Variants in SHC3 observed in about 807,000 individuals in gnomAD.
SHC3 encodes SHC-transforming protein 3.
In SHC3, 15 loss-of-function variants were observed where a neutral mutation model predicts 60.4. The ratio of observed to expected loss-of-function variants is 0.25; its 90% CI spans 0.17 to 0.38. SHC3 has a LOEUF of 0.38. SHC3 is among the 10% of genes least tolerant of loss of function. The probability of loss-of-function intolerance (pLI) is 1.00; values close to 1 mark genes in which losing one functional copy is unlikely to be tolerated. For synonymous variants in SHC3, 294 were observed against 325.9 expected (o/e 0.90, Z 1.05); for missense variants, 677 against 786.1 (o/e 0.86, Z 1.66).
intron 1 of SHC3, among the ~76,000 whole-genome samples, chr9:89,154,562 G>T (rs1413449686): frequency 6.6e-6 from 1 of 152,162 alleles, no homozygotes; most frequent in Non-Finnish European, 1.5e-5. Flanking sequence ...ATTACATCAG[G>T]CAAGAAATTA....
chr9:89,178,155 C>A lies in SHC3; in HGVS notation c.306G>T (p.Ala102=). 1 of 1,224,304 alleles carries A rather than the reference C, an allele frequency of 8.2e-7. No homozygotes were observed. The highest frequency in any genetic ancestry group is 1.0e-6 in the Non-Finnish European group (1 of 982,374). 75.8% of individuals were successfully genotyped at this position (1,224,304 alleles called of 1,614,324 possible). A position where few individuals can be genotyped will look rare whatever the true frequency, so the allele number is the denominator to read the frequency against. The change falls in exon 1 of 12, where the codon GCG becomes GCT. Residue 102 remains alanine (A), a synonymous_variant. Coordinates refer to ENST00000375835, the MANE Select transcript of SHC3 (RefSeq NM_016848.6). This position sits in a 1 kb window ranked among gnomAD's most constrained non-coding sequence, Gnocchi z 6.9. ...AGARLSGSCS[A]PSLAAPDGSA... Reference sequence around the variant, plus strand: ...TGCCGTCCGGGGCGGCCAGGCTGGGCGCGCTGCAGCTGCCCGAGAGCCGCG... The same window carrying A: ...TGCCGTCCGGGGCGGCCAGGCTGGGAGCGCTGCAGCTGCCCGAGAGCCGCG...
rs540788767 is a variant in SHC3 at position 89,027,327 on chromosome 9, A to AT, written c.1656+10665dup. 5.7e-4 allele frequency among the ~76,000 whole-genome samples: 74 copies of AT among 130,320 alleles called. 1 individual carries two copies. The highest frequency in any genetic ancestry group is 7.5e-4 in the Admixed American group (10 of 13,270). 85.5% of individuals were successfully genotyped at this position (130,320 alleles called of 152,430 possible). On this transcript the variant is annotated intron_variant, in intron 11 of 11. Transcript: ENST00000375835. ...ACAACTAGTGATGGGTGAAATTCTGATTTTTTTTTTTTGAGACTGAGTCTC... is the reference window on the plus strand; with the variant it reads ...ACAACTAGTGATGGGTGAAATTCTGATTTTTTTTTTTTTGAGACTGAGTCTC...
At chr9:89,111,262 C>A (rs1208808126) in intron 2 of SHC3, among the ~76,000 whole-genome samples, 3 of 152,186 alleles carry the variant, frequency 2.0e-5, no homozygotes, top group Non-Finnish European at 2.9e-5. Context: ...GACTGTCATT[C>A]CTTTAAAAAC....
Position 89,038,133 on chromosome 9 carries a change from T to C in SHC3, c.1516A>G (p.Arg506Gly). The C allele has an allele frequency of 1.2e-6, 2 of 1,614,124 alleles. No individual in the cohort carries two copies. The highest frequency in any genetic ancestry group is 1.7e-6 in the Non-Finnish European group (2 of 1,180,022). ...AETWYQGEMS[R>G]KEAEGLLEKD... Reference sequence around the variant, plus strand: ...TCCAGCAGCCCCTCTGCCTCCTTCCTGCTCATCTCTCCTTGGTACCAAGTC... The same window carrying C: ...TCCAGCAGCCCCTCTGCCTCCTTCCCGCTCATCTCTCCTTGGTACCAAGTC... Residue 506 changes from arginine to glycine, a missense_variant, in exon 11 of 12, where the codon AGG becomes GGG. Physicochemically the swap from Arg to Gly is moderately radical, Grantham distance 125. Coordinates refer to ENST00000375835, the MANE Select transcript of SHC3 (RefSeq NM_016848.6).
At chr9:89,174,371 G>A (rs1470776438) in intron 1 of SHC3, among the ~76,000 whole-genome samples, 1 of 152,198 alleles carries the variant, frequency 6.6e-6, no homozygotes, top group Non-Finnish European at 1.5e-5. Context: ...AGGAAATAAT[G>A]CAGTACTTTT....
At chr9:89,079,536 C>A (rs754564549) in intron 2 of SHC3, among the ~76,000 whole-genome samples, 1 of 151,790 alleles carries the variant, frequency 6.6e-6, no homozygotes, top group Non-Finnish European at 1.5e-5. Flanking sequence ...AACATGGAGT[C>A]TAAAAGAAAA....
At chr9:89,151,303 A>T (rs1826542956) in intron 1 of SHC3, among the ~76,000 whole-genome samples, 2 of 152,172 alleles carry the variant, frequency 1.3e-5, no homozygotes, top group Admixed American at 1.3e-4. Context: ...GTCCCCCCAA[A>T]ATTCATACAT....
chr9:89,051,310 C>T (rs1824858192), intron 7 of SHC3, among the ~76,000 whole-genome samples: 1 of 152,088 alleles, frequency 6.6e-6, no homozygotes, highest in Non-Finnish European at 1.5e-5. Flanking sequence ...CCAATATGCC[C>T]CATATTACTT....
At chr9:89,107,099 G>A (rs1472759059) in intron 2 of SHC3, among the ~76,000 whole-genome samples, 1 of 152,174 alleles carries the variant, frequency 6.6e-6, no homozygotes, top group African/African-American at 2.4e-5. Context: ...CCAGCTAAGG[G>A]ACTGTCAGGA....
At chr9:89,131,776 T>C (rs1351356140) in intron 1 of SHC3, among the ~76,000 whole-genome samples, 1 of 152,134 alleles carries the variant, frequency 6.6e-6, no homozygotes, top group Non-Finnish European at 1.5e-5. Context: ...ATAAGAGCTA[T>C]TTATGACAAG....
At chr9:89,135,692 C>T (rs9410462) in intron 1 of SHC3, among the ~76,000 whole-genome samples, 8,137 of 151,750 alleles carry the variant, frequency 0.054, 299 homozygotes, top group Non-Finnish European at 0.078. Context: ...TTTTTTTCTG[C>T]GATTTAGACT....
chr9:89,092,042 A>G (rs1406474996), intron 2 of SHC3, among the ~76,000 whole-genome samples: 3 of 152,236 alleles, frequency 2.0e-5, no homozygotes, highest in Non-Finnish European at 4.4e-5. Context: ...AAAACACTCA[A>G]AGGAAAACAA....
chr9:89,178,302 C>G lies in SHC3; in HGVS notation c.159G>C (p.Leu53=), dbSNP rs988473912. ...CGGGCCCATCGTCGGGCGCCTTGCG[C>G]AGCGCCTCGCCGGACACCAAGTAGG... is the stretch of plus-strand genomic sequence containing the variant. ...AAPYLVSGEA[L]RKAPDDGPGS... Residue 53 remains leucine, a synonymous_variant, in exon 1 of 12, where the codon CTG becomes CTC. Coordinates refer to ENST00000375835, the MANE Select transcript of SHC3 (RefSeq NM_016848.6). This position sits in a 1 kb window ranked among gnomAD's most constrained non-coding sequence, Gnocchi z 6.9. The G allele has an allele frequency of 1.1e-5, 17 of 1,579,886 alleles. No homozygotes were observed. The highest frequency in any genetic ancestry group is 1.5e-5 in the Non-Finnish European group (17 of 1,165,650).
At chr9:89,177,390 C>G (rs1395510237) in intron 1 of SHC3, among the ~76,000 whole-genome samples, 2 of 152,220 alleles carry the variant, frequency 1.3e-5, no homozygotes, top group African/African-American at 4.8e-5. Flanking sequence ...TGCTGTAAAC[C>G]AGAACCTTTC....
intron 6 of SHC3, among the ~76,000 whole-genome samples, chr9:89,062,038 A>G (rs1825098782): frequency 6.6e-6 from 1 of 152,230 alleles, no homozygotes; most frequent in African/African-American, 2.4e-5. Context: ...GCGCCTGATC[A>G]GGGATACTAT....
rs950731711 is a variant in SHC3 at position 89,043,574 on chromosome 9, A to G, written c.1202-1390T>C. Among the ~76,000 whole-genome samples, 8 of 152,210 alleles carry G rather than the reference A, an allele frequency of 5.3e-5. 1 individual carries two copies. Among genetic ancestry groups the G allele is most frequent in the Admixed American group, 2.6e-4 (4 of 15,280 alleles). ...CGTGCCATCGTGATACCTGGAGTTC[A>G]CTTCCATTAGGGACAGTATCTGCCA... On this transcript the variant is annotated intron_variant, in intron 9 of 11. Transcript: ENST00000375835.
intron 11 of SHC3, among the ~76,000 whole-genome samples, chr9:89,026,073 A>G (rs1826292974): frequency 6.6e-6 from 1 of 151,964 alleles, no homozygotes; most frequent in Non-Finnish European, 1.5e-5. Context: ...GTGAAACCTC[A>G]TCTCTACTAA....
chr9:89,168,236 C>A (rs1314319087), intron 1 of SHC3, among the ~76,000 whole-genome samples: 1 of 152,180 alleles, frequency 6.6e-6, no homozygotes, highest in Non-Finnish European at 1.5e-5. Flanking sequence ...GAGGCTGAGG[C>A]AGGTGGATCA....
chr9:89,013,389 T>C lies in SHC3; in HGVS notation c.*58A>G. On this transcript the variant is annotated 3_prime_UTR_variant, in exon 12 of 12. Coordinates refer to ENST00000375835, the MANE Select transcript of SHC3 (RefSeq NM_016848.6). Reference sequence around the variant, plus strand: ...GTCCCAGTTCCAGCAGCCCCGATTCTAGTCCACTCCAGGTCCTCCTGACCT... The same window carrying C: ...GTCCCAGTTCCAGCAGCCCCGATTCCAGTCCACTCCAGGTCCTCCTGACCT... The C allele has an allele frequency of 7.0e-7, 1 of 1,421,776 alleles. No homozygotes were observed. 88.1% of individuals were successfully genotyped at this position (1,421,776 alleles called of 1,614,324 possible).
Sources: allele counts gnomAD v4.1 joint callset (sites outside exome capture counted in the v4.1 genomes callset), GRCh38; gene constraint gnomAD v4.1.1; non-coding constraint Gnocchi (gnomAD v3.1); transcripts MANE v1.5; gene names NCBI Gene and HGNC (gene_info 2026-07-23, HGNC 2026-07-21).